CWH43: variants seen among roughly 807,000 people sequenced by gnomAD.
CWH43 encodes PGAP2-interacting protein.
Under a neutral mutation model 85.7 loss-of-function variants are expected in CWH43, and 91 were observed. The ratio of observed to expected loss-of-function variants is 1.06; its 90% CI spans 0.90 to 1.26. The LOEUF (loss-of-function observed/expected upper bound fraction) is 1.26. Among genes scored for constraint, CWH43 ranks in the 50% most tolerant of loss-of-function variants. The probability of loss-of-function intolerance (pLI) is 0.00; values close to 1 mark genes in which losing one functional copy is unlikely to be tolerated. For missense variants in CWH43, 869 were observed against 839.2 expected (o/e 1.04, Z -0.44); for synonymous variants, 323 against 293.6 (o/e 1.10, Z -1.02).
chr4:49,052,305 C>A (rs1784825523), intron 15 of CWH43, among the ~76,000 whole-genome samples: 1 of 152,122 alleles, frequency 6.6e-6, no homozygotes, highest in South Asian at 2.1e-4. Flanking sequence ...AGCTTGGTAA[C>A]TGTGGGCCAG....
At chr4:49,061,718 A>G (rs1436768762) in intron 15 of CWH43, 94 bp from the exon 16 acceptor site, 2 of 1,053,916 alleles carry the variant, frequency 1.9e-6, no homozygotes, top group Non-Finnish European at 2.5e-6. Context: ...TTCATTTGCT[A>G]TTTTATTTTA....
At chr4:48,997,400 C>A (rs1323691585) in intron 5 of CWH43, among the ~76,000 whole-genome samples, 2 of 152,070 alleles carry the variant, frequency 1.3e-5, no homozygotes, top group African/African-American at 4.8e-5. Context: ...ATATGTTTCC[C>A]CCACTGGAAT....
In CWH43 at chr4:48,988,372, G is replaced by C. The variant is rs760145625; in HGVS notation, c.44-105G>C. On this transcript the variant is annotated intron_variant, in intron 1 of 15. Transcript: ENST00000226432. ...GGAACCCAGTTCAGGCCAGAGTCAT[G>C]AAGAAGAATGACCAGCCCAAGCGGC... 7.1e-4 allele frequency: 569 copies of C among 806,408 alleles called. 1 individual carries two copies. The highest frequency in any genetic ancestry group is 9.7e-4 in the Non-Finnish European group (509 of 526,474). The allele number at this position is 806,408 out of a possible 1,614,324, so 50.0% of individuals were successfully genotyped here.
At chr4:49,016,889 C>T (rs561835265) in intron 8 of CWH43, 65 of 785,114 alleles carry the variant, frequency 8.3e-5, no homozygotes, top group African/African-American at 4.1e-4. Context: ...GGACTACCCA[C>T]GTAGCTCTGC....
chr4:49,010,839 G>T (rs1033971950), intron 8 of CWH43, among the ~76,000 whole-genome samples: 2 of 152,176 alleles, frequency 1.3e-5, no homozygotes, highest in Admixed American at 6.5e-5. Context: ...TGATCTAAGA[G>T]ACAGTTTGTT....
chr4:49,035,119 G>A (rs750126690), intron 12 of CWH43, among the ~76,000 whole-genome samples: 6 of 152,194 alleles, frequency 3.9e-5, no homozygotes, highest in African/African-American at 1.2e-4. Flanking sequence ...AATTTGTGAC[G>A]TGATCACGAC....
chr4:49,021,697 ATT>A (rs1461426902), intron 9 of CWH43, among the ~76,000 whole-genome samples: 1 of 152,084 alleles, frequency 6.6e-6, no homozygotes, highest in Non-Finnish European at 1.5e-5. Flanking sequence ...ATATGTTTGC[ATT>A]TGTTTGTGTC....
chr4:48,988,669 G>T lies in CWH43; in HGVS notation c.235+1G>T. On this transcript the variant is annotated splice_donor_variant, in intron 2 of 15. Coordinates refer to ENST00000226432, the MANE Select transcript of CWH43 (RefSeq NM_025087.3). LOFTEE classifies it high-confidence loss of function. ...ACCCTGCTGAGGATAATCACTATTG[G>T]TAAGATTTAAAAGAGTTTCTTTAAG... 1 of 1,582,252 alleles carries T rather than the reference G, an allele frequency of 6.3e-7. No homozygotes were observed. Among genetic ancestry groups the T allele is most frequent in the South Asian group, 1.2e-5 (1 of 85,716 alleles).
In CWH43 at chr4:49,033,916, A is replaced by G. The variant is rs150549522; in HGVS notation, c.1658+1201A>G. Among the ~76,000 whole-genome samples the G allele has an allele frequency of 5.3e-3, 811 of 152,346 alleles. 4 individuals carry two copies. Among genetic ancestry groups the G allele is most frequent in the Non-Finnish European group, 8.8e-3 (598 of 68,034 alleles). The stretch of plus-strand genomic sequence containing the variant: ...TTTAGGAAAACAACGTTGTTGTACT[A>G]TAAGTTTTATTTAAACAAATTGGTG... On this transcript the variant is annotated intron_variant, in intron 12 of 15. Transcript: ENST00000226432.
intron 15 of CWH43, among the ~76,000 whole-genome samples, chr4:49,051,822 C>G (rs1784807886): frequency 6.6e-6 from 1 of 152,174 alleles, no homozygotes; most frequent in Admixed American, 6.5e-5. Flanking sequence ...GGTGACCCAC[C>G]TGCCTCTGCC....
At chr4:49,021,661 T>G (rs1783754518) in intron 9 of CWH43, among the ~76,000 whole-genome samples, 1 of 152,226 alleles carries the variant, frequency 6.6e-6, no homozygotes, top group Non-Finnish European at 1.5e-5. Flanking sequence ...TTTCACAATA[T>G]TGATTCTACC....
rs1286819197 is a variant in CWH43, at chr4:49,050,775, C to T, written c.1947C>T (p.Pro649=). ...QMAKFRIPDD[P]TNYRDNQKVV... Reference sequence around the variant, plus strand: ...CAAAATTTAGGATCCCTGATGACCCCACTAATTATAGAGACAACCAGAAAG... The same window carrying T: ...CAAAATTTAGGATCCCTGATGACCCTACTAATTATAGAGACAACCAGAAAG... The change falls in exon 15 of 16, where the codon CCC becomes CCT. Residue 649 remains proline (P), a synonymous_variant. Transcript: ENST00000226432. 2 of 1,611,182 alleles carry T rather than the reference C, an allele frequency of 1.2e-6. No individual in the cohort carries two copies. The highest frequency in any genetic ancestry group is 1.7e-6 in the Non-Finnish European group (2 of 1,177,570).
intron 13 of CWH43, among the ~76,000 whole-genome samples, chr4:49,042,824 T>C (rs1038516475): frequency 1.8e-4 from 27 of 152,176 alleles, no homozygotes; most frequent in Admixed American, 8.5e-4. Context: ...ACAGAGACTG[T>C]ATCAGTTATT....
chr4:49,062,076 T>A lies in CWH43; in HGVS notation c.*186T>A. On this transcript the variant is annotated 3_prime_UTR_variant, in exon 16 of 16. Coordinates refer to ENST00000226432, the MANE Select transcript of CWH43 (RefSeq NM_025087.3). ...ATGTTGCTTAATAAAAACATTTCTC[T>A]AAATTGTTTTCCCTAAATTTTGATA... 1 of 325,892 alleles carries A rather than the reference T, an allele frequency of 3.1e-6. No homozygotes were observed. Among genetic ancestry groups the A allele is most frequent in the African/African-American group, 2.1e-5 (1 of 47,778 alleles). The allele number at this position is 325,892 out of a possible 1,614,324, so 20.2% of individuals were successfully genotyped here. A position where few individuals can be genotyped will look rare whatever the true frequency, so the allele number is the denominator to read the frequency against.
chr4:49,047,559 A>G (rs910073888), intron 14 of CWH43, among the ~76,000 whole-genome samples: 2 of 152,136 alleles, frequency 1.3e-5, no homozygotes, highest in Non-Finnish European at 2.9e-5. Context: ...GGAGGGAGCC[A>G]TTTGGCCACC....
chr4:49,011,509 A>T (rs1365597387), intron 8 of CWH43, among the ~76,000 whole-genome samples: 1 of 152,156 alleles, frequency 6.6e-6, no homozygotes, highest in Non-Finnish European at 1.5e-5. Flanking sequence ...TATCATTATG[A>T]TGTTAGCTGG....
At chr4:49,053,458 G>A (rs78421140) in intron 15 of CWH43, among the ~76,000 whole-genome samples, 1,785 of 152,232 alleles carry the variant, frequency 0.012, 21 homozygotes, top group African/African-American at 0.038. Context: ...AGCATTTGCT[G>A]TCTTTTGCCT....
chr4:49,007,227 AATATGCT>A lies in CWH43; in HGVS notation c.1090_1096del (p.Met364LeufsTer28), dbSNP rs1469509902. The A allele has an allele frequency of 2.5e-6, 4 of 1,611,446 alleles. No homozygotes were observed. The South Asian group carries it at 4.4e-5, about 18-fold the overall frequency. On this transcript the variant is annotated frameshift_variant, in exon 8 of 16. Transcript: ENST00000226432. LOFTEE classifies it high-confidence loss of function. ...GACAATGATGTTAATTATCGGGCTG[AATATGCT>A]ATTTGGTCCTAAGAAAAACCTTGAC...
At chr4:49,060,933 T>G (rs978335274) in intron 15 of CWH43, among the ~76,000 whole-genome samples, 22 of 152,222 alleles carry the variant, frequency 1.4e-4, no homozygotes, top group Non-Finnish European at 2.8e-4. Context: ...TTTGTTCTAT[T>G]TGCTAATCTG....
Sources: allele counts gnomAD v4.1 joint callset (sites outside exome capture counted in the v4.1 genomes callset), GRCh38; gene constraint gnomAD v4.1.1; transcripts MANE v1.5; gene names NCBI Gene and HGNC (gene_info 2026-07-23, HGNC 2026-07-21).